The following ANKS1B variants were observed in gnomAD, a reference collection of about 807,000 sequenced individuals.
ANKS1B encodes ankyrin repeat and sterile alpha motif domain containing 1B, also known as ankyrin repeat and sterile alpha motif domain-containing protein 1B.
ANKS1B carries 36 observed loss-of-function variants against 148.3 expected under a neutral mutation model. That is an observed-to-expected ratio of 0.24 (90% confidence interval 0.19 to 0.32). The LOEUF is 0.32. ANKS1B is among the 10% of genes least tolerant of loss of function. The probability of loss-of-function intolerance (pLI) is 1.00; values close to 1 mark genes in which losing one functional copy is unlikely to be tolerated. For synonymous variants in ANKS1B, 542 were observed against 560.8 expected (o/e 0.97, Z 0.47); for missense variants, 1,157 against 1,542.6 (o/e 0.75, Z 4.19).
chr12:99,850,656 G>C (rs1250047638), intron 1 of ANKS1B, among the ~76,000 whole-genome samples: 1 of 151,976 alleles, frequency 6.6e-6, no homozygotes, highest in Non-Finnish European at 1.5e-5. Context: ...CCCCAATTAT[G>C]TTAAGTGACT....
rs2097838516 is a variant in ANKS1B at position 98,744,396 on chromosome 12, C to T, written c.*1343G>A. The T allele has an allele frequency of 1.1e-6, 1 of 883,022 alleles. No homozygotes were observed. 54.7% of individuals were successfully genotyped at this position (883,022 alleles called of 1,614,324 possible). A position where few individuals can be genotyped will look rare whatever the true frequency, so the allele number is the denominator to read the frequency against. On this transcript the variant is annotated 3_prime_UTR_variant, in exon 27 of 27. Transcript: ENST00000683438. Reference sequence around the variant, plus strand: ...TTAATAAAAAAACATTAAGACAATTCCACAATTTATCAATATCGCTATAAT... The same window carrying T: ...TTAATAAAAAAACATTAAGACAATTTCACAATTTATCAATATCGCTATAAT...
At chr12:99,190,683 A>G (rs549629181) in intron 14 of ANKS1B, among the ~76,000 whole-genome samples, 1 of 152,326 alleles carries the variant, frequency 6.6e-6, no homozygotes, top group African/African-American at 2.4e-5. Context: ...CACCTTATAC[A>G]AAAATTAACT....
intron 12 of ANKS1B, among the ~76,000 whole-genome samples, chr12:99,346,966 C>T (rs944766502): frequency 6.6e-6 from 1 of 151,970 alleles, no homozygotes; most frequent in Non-Finnish European, 1.5e-5. Context: ...TCCATCCCCA[C>T]CATTGCTGGC....
At chr12:98,964,740 GA>G (rs1483961168) in intron 17 of ANKS1B, among the ~76,000 whole-genome samples, 1 of 152,172 alleles carries the variant, frequency 6.6e-6, no homozygotes, top group Admixed American at 6.5e-5. Context: ...ACTTATTTGT[GA>G]AAGCTAAAAA....
intron 19 of ANKS1B, among the ~76,000 whole-genome samples, chr12:98,828,373 G>A (rs746413814): frequency 3.3e-5 from 5 of 152,164 alleles, no homozygotes; most frequent in Admixed American, 1.3e-4. Context: ...TTTTCACCTC[G>A]AGATTCCCAT....
At chr12:99,156,198 C>T (rs1052345743) in intron 14 of ANKS1B, among the ~76,000 whole-genome samples, 2 of 152,070 alleles carry the variant, frequency 1.3e-5, no homozygotes, top group African/African-American at 4.8e-5. Context: ...AAATCAGTCC[C>T]CAAATTCTAT....
intron 15 of ANKS1B, among the ~76,000 whole-genome samples, chr12:99,096,450 C>T (rs1435965905): frequency 2.0e-5 from 3 of 152,058 alleles, no homozygotes; most frequent in East Asian, 1.9e-4. Flanking sequence ...AAAACTTGCT[C>T]ACATCACAAC....
At chr12:99,424,705 ATCTGTCTG>A (rs532574681) in intron 11 of ANKS1B, among the ~76,000 whole-genome samples, 1 of 148,244 alleles carries the variant, frequency 6.7e-6, no homozygotes, top group East Asian at 1.9e-4. Flanking sequence ...TCTGTCATCT[ATCTGTCTG>A]TCTGTCTGTC....
chr12:99,692,449 TCA>T (rs2053236177), intron 8 of ANKS1B, among the ~76,000 whole-genome samples: 1 of 151,914 alleles, frequency 6.6e-6, no homozygotes, highest in African/African-American at 2.4e-5. Flanking sequence ...GGTGGGAGGA[TCA>T]CTTGAGGTCA....
chr12:99,554,388 G>A (rs1241284432), intron 9 of ANKS1B, among the ~76,000 whole-genome samples: 3 of 152,118 alleles, frequency 2.0e-5, no homozygotes, highest in South Asian at 4.1e-4. Flanking sequence ...TCTCTCCCAC[G>A]TTAGTATCTA....
chr12:99,136,537 G>C (rs948583719), intron 15 of ANKS1B, among the ~76,000 whole-genome samples: 1 of 152,168 alleles, frequency 6.6e-6, no homozygotes, highest in Non-Finnish European at 1.5e-5. Context: ...GTTTGCAACT[G>C]TAGTGTGGGT....
intron 12 of ANKS1B, among the ~76,000 whole-genome samples, chr12:99,267,052 C>A (rs2076516524): frequency 6.6e-6 from 1 of 152,166 alleles, no homozygotes; most frequent in African/African-American, 2.4e-5. Context: ...CAAATAGGCA[C>A]CTTGATTGCA....
chr12:99,131,159 C>G (rs934121661), intron 15 of ANKS1B, among the ~76,000 whole-genome samples: 2 of 152,180 alleles, frequency 1.3e-5, no homozygotes, highest in Non-Finnish European at 2.9e-5. Flanking sequence ...TTCTGCCTGT[C>G]CACCTGCTCT....
At chr12:98,968,475 C>T in intron 17 of ANKS1B, among the ~76,000 whole-genome samples, 1 of 152,078 alleles carries the variant, frequency 6.6e-6, no homozygotes, top group South Asian at 2.1e-4. Flanking sequence ...AACAAACAAA[C>T]AAAAAAATTA....
At position 99,900,449 on chromosome 12, in the gene ANKS1B, T is replaced by C. The variant is rs971758149; in HGVS notation, c.135-75060A>G. 1.4e-4 allele frequency among the ~76,000 whole-genome samples: 19 copies of C among 136,432 alleles called. No individual in the cohort carries two copies. In the East Asian group the frequency reaches 3.0e-3, roughly 21 times the overall value. 89.5% of individuals were successfully genotyped at this position (136,432 alleles called of 152,430 possible). A position where few individuals can be genotyped will look rare whatever the true frequency, so the allele number is the denominator to read the frequency against. The stretch of plus-strand genomic sequence containing the variant: ...TGAACCCGGGAGGCGGAGGTTGCAG[T>C]GAGCCAAGATAGTGCCACTGCACTC... On this transcript the variant is annotated intron_variant, in intron 1 of 26. Coordinates refer to ENST00000683438, the MANE Select transcript of ANKS1B (RefSeq NM_001352186.2).
chr12:98,755,514 G>A (rs1311517984), intron 25 of ANKS1B, among the ~76,000 whole-genome samples: 1 of 152,204 alleles, frequency 6.6e-6, no homozygotes, highest in East Asian at 1.9e-4. Flanking sequence ...CTTGCTGAAT[G>A]AATGAATGAA....
chr12:99,161,129 C>T (rs773264103), intron 14 of ANKS1B, among the ~76,000 whole-genome samples: 7 of 152,120 alleles, frequency 4.6e-5, no homozygotes, highest in Non-Finnish European at 1.0e-4. Context: ...GAAGTATGGC[C>T]ATTTTAACCA....
At chr12:98,740,546 A>G (rs74841300), downstream of ANKS1B, among the ~76,000 whole-genome samples, 1,951 of 152,256 alleles carry the variant, frequency 0.013, 29 homozygotes, top group Non-Finnish European at 0.015. Flanking sequence ...ATGATCACCA[A>G]TCCCTCTTAC....
chr12:99,761,346 G>C (rs11110026), intron 8 of ANKS1B, among the ~76,000 whole-genome samples: 67,227 of 151,518 alleles, frequency 0.44, 15,272 homozygotes, highest in South Asian at 0.61. Context: ...AAAAACTTAC[G>C]ACGATGAAGG....
Sources: gnomAD v4.1 joint callset for allele counts (sites outside exome capture counted in the v4.1 genomes callset) on GRCh38, gnomAD v4.1.1 for gene constraint, MANE v1.5 for transcripts, NCBI Gene and HGNC (gene_info 2026-07-23, HGNC 2026-07-21) for gene names.